The following SH3RF2 variants were observed in gnomAD, a reference collection of about 807,000 sequenced individuals.
SH3RF2 encodes SH3 domain containing ring finger 2.
In SH3RF2, 43 loss-of-function variants were observed where a neutral mutation model predicts 59.0. The observed-to-expected ratio is 0.73, with a 90% CI of 0.57 to 0.94. The LOEUF (loss-of-function observed/expected upper bound fraction) is 0.94. Among genes scored for constraint, SH3RF2 ranks in the 40% least tolerant of loss-of-function variants. The pLI is 0.00. For synonymous variants in SH3RF2, 391 were observed against 391.5 expected (o/e 1.00, Z 0.01); for missense variants, 930 against 940.1 (o/e 0.99, Z 0.14).
chr5:145,952,413 A>C (rs956238192), intron 2 of SH3RF2, among the ~76,000 whole-genome samples: 5 of 152,288 alleles, frequency 3.3e-5, no homozygotes, highest in Middle Eastern at 6.8e-3. Context: ...AGAAAAAAAA[A>C]CAACTTTTGT....
intron 7 of SH3RF2, among the ~76,000 whole-genome samples, chr5:146,053,840 G>A (rs1309526362): frequency 1.3e-5 from 2 of 152,202 alleles, no homozygotes; most frequent in Non-Finnish European, 2.9e-5. Flanking sequence ...TCTACACAAA[G>A]CTATACAAAA....
Position 146,059,976 on chromosome 5 carries a change from C to A in SH3RF2, c.1666C>A (p.Pro556Thr). 1 of 1,579,802 alleles carries A rather than the reference C, an allele frequency of 6.3e-7. No homozygotes were observed. Among genetic ancestry groups the A allele is most frequent in the Non-Finnish European group, 8.6e-7 (1 of 1,162,046 alleles). ...LRPQQFQFYQ[P>T]QGIPSSPSAV... is the part of the protein sequence containing the mutation. ...GCCTCAGCAGTTCCAATTCTACCAG[C>A]CACAGGGGATCCCCTCCTCCCCCTC... is the stretch of plus-strand genomic sequence containing the variant. The change falls in exon 9 of 10, where the codon CCA becomes ACA. Residue 556 changes from proline to threonine, a missense_variant. By Grantham distance (38) the Pro-to-Thr change is conservative. Coordinates refer to ENST00000359120, the MANE Select transcript of SH3RF2 (RefSeq NM_152550.4).
intron 5 of SH3RF2, among the ~76,000 whole-genome samples, chr5:146,029,538 G>T (rs11743638): frequency 0.28 from 43,141 of 152,074 alleles, 7,746 homozygotes; most frequent in Non-Finnish European, 0.38. Context: ...ATTCTATTGG[G>T]CACTCCCTGG....
intron 2 of SH3RF2, among the ~76,000 whole-genome samples, chr5:145,944,686 G>T (rs1757945908): frequency 6.6e-6 from 1 of 152,152 alleles, no homozygotes; most frequent in Non-Finnish European, 1.5e-5. Flanking sequence ...CCATGCTGAT[G>T]AATTGTAAAT....
chr5:145,969,958 C>A (rs1464608461), intron 2 of SH3RF2, among the ~76,000 whole-genome samples: 1 of 151,958 alleles, frequency 6.6e-6, no homozygotes, highest in African/African-American at 2.4e-5. Context: ...CTTCCCACTC[C>A]CTTAATCTGA....
chr5:146,050,425 T>C (rs912267338), intron 7 of SH3RF2, among the ~76,000 whole-genome samples: 1 of 152,142 alleles, frequency 6.6e-6, no homozygotes, highest in African/African-American at 2.4e-5. Flanking sequence ...GCAGGCAAAG[T>C]CGGCCTGAGT....
At chr5:146,003,424 G>GT (rs1322450085) in intron 3 of SH3RF2, among the ~76,000 whole-genome samples, 7 of 152,120 alleles carry the variant, frequency 4.6e-5, no homozygotes, top group Non-Finnish European at 8.8e-5. Flanking sequence ...TTTTGGAAAA[G>GT]TTTTTTAAAA....
At chr5:145,936,755 CT>C (rs1287679606) in intron 1 of SH3RF2, 61 bp downstream of exon 1, 1 of 152,324 alleles carries the variant, frequency 6.6e-6, no homozygotes, top group Non-Finnish European at 1.5e-5. Context: ...GGAGAGGAGG[CT>C]TAGGAAGGCG....
intron 2 of SH3RF2, among the ~76,000 whole-genome samples, chr5:145,948,156 A>G (rs954787033): frequency 6.6e-6 from 1 of 152,224 alleles, no homozygotes; most frequent in Admixed American, 6.5e-5. Context: ...CCCACTGAGA[A>G]TGGTGCTACT....
At chr5:145,977,749 A>C in intron 2 of SH3RF2, among the ~76,000 whole-genome samples, 1 of 152,214 alleles carries the variant, frequency 6.6e-6, no homozygotes, top group Non-Finnish European at 1.5e-5. Flanking sequence ...AGCCTTCCCA[A>C]GAAGCAGCTT....
chr5:146,070,296 T>C (rs2150028047), intron 9 of SH3RF2, among the ~76,000 whole-genome samples: 1 of 152,216 alleles, frequency 6.6e-6, no homozygotes, highest in African/African-American at 2.4e-5. Context: ...GCCGCTGAGT[T>C]TGCTAGGATG....
chr5:145,987,240 G>A (rs1177441452), intron 2 of SH3RF2, among the ~76,000 whole-genome samples: 1 of 152,124 alleles, frequency 6.6e-6, no homozygotes, highest in Non-Finnish European at 1.5e-5. Context: ...GTGGTGTTTG[G>A]TTACATGCGT....
chr5:146,077,186 G>A (rs1396224419), intron 9 of SH3RF2, among the ~76,000 whole-genome samples: 1 of 152,124 alleles, frequency 6.6e-6, no homozygotes, highest in African/African-American at 2.4e-5. Context: ...CAAACCACCT[G>A]CCCTCCCCTC....
chr5:146,057,504 A>G (rs575733885), intron 8 of SH3RF2, among the ~76,000 whole-genome samples: 2 of 152,364 alleles, frequency 1.3e-5, no homozygotes, highest in South Asian at 4.1e-4. Context: ...CAACCCATAT[A>G]TGGCTGATAG....
At chr5:145,959,975 G>A (rs1469790736) in intron 2 of SH3RF2, among the ~76,000 whole-genome samples, 1 of 152,124 alleles carries the variant, frequency 6.6e-6, no homozygotes, top group Non-Finnish European at 1.5e-5. Context: ...TAGATCCCTG[G>A]CTGAAAGCAA....
chr5:145,960,068 T>G (rs1758572702), intron 2 of SH3RF2, among the ~76,000 whole-genome samples: 1 of 152,214 alleles, frequency 6.6e-6, no homozygotes, highest in African/African-American at 2.4e-5. Flanking sequence ...TTTAATTTTG[T>G]TTTAGAGACA....
At chr5:146,061,763 C>T (rs1487129426) in intron 9 of SH3RF2, among the ~76,000 whole-genome samples, 2 of 152,148 alleles carry the variant, frequency 1.3e-5, no homozygotes, top group African/African-American at 4.8e-5. Flanking sequence ...GGGGGCACTG[C>T]TTCTCAGGTC....
At chr5:145,978,466 C>T (rs982497649) in intron 2 of SH3RF2, among the ~76,000 whole-genome samples, 1 of 152,134 alleles carries the variant, frequency 6.6e-6, no homozygotes, top group Non-Finnish European at 1.5e-5. Flanking sequence ...CCTCCTGCTT[C>T]GTCTACTCTT....
intron 9 of SH3RF2, among the ~76,000 whole-genome samples, chr5:146,076,859 G>A (rs1455024205): frequency 1.3e-5 from 2 of 152,038 alleles, no homozygotes; most frequent in African/African-American, 4.8e-5. Flanking sequence ...GATGTGATAA[G>A]ACTTCCACAA....
Sources: allele counts gnomAD v4.1 joint callset (sites outside exome capture counted in the v4.1 genomes callset), GRCh38; gene constraint gnomAD v4.1.1; transcripts MANE v1.5; gene names NCBI Gene and HGNC (gene_info 2026-07-23, HGNC 2026-07-21).